The following COL24A1 variants were observed in gnomAD, a reference collection of about 807,000 sequenced individuals.
COL24A1 encodes the protein collagen type XXIV alpha 1 chain, also known as collagen alpha-1(XXIV) chain.
Under a neutral mutation model 253.9 loss-of-function variants are expected in COL24A1, and 224 were observed. The observed-to-expected ratio is 0.88, with a 90% CI of 0.79 to 0.99. COL24A1 has a LOEUF of 0.99. Ranked by LOEUF, COL24A1 falls within the 50% of genes least tolerant of loss-of-function variation. The probability of loss-of-function intolerance (pLI) is 0.00; values close to 1 mark genes in which losing one functional copy is unlikely to be tolerated. For synonymous variants in COL24A1, 685 were observed against 673.7 expected (o/e 1.02, Z -0.26); for missense variants, 2,131 against 2,068.5 (o/e 1.03, Z -0.59).
chr1:85,734,763 AAAGCACTTTAGGTTC>A lies in COL24A1; in HGVS notation c.4969_4983del (p.Glu1657_Leu1661del), dbSNP rs1184884162. 6.2e-7 allele frequency: 1 copy of A among 1,614,126 alleles called. No homozygotes were observed. The highest frequency in any genetic ancestry group is 1.1e-5 in the South Asian group (1 of 91,084). On this transcript the variant is annotated inframe_deletion, in exon 59 of 60. Coordinates refer to ENST00000370571, the MANE Select transcript of COL24A1 (RefSeq NM_152890.7). ...CATTTCCTTACCTTGCAGTCATCTG[AAAGCACTTTAGGTTC>A]AAGTAGAGTGTTTACTTTAAAAATC...
At chr1:85,940,239 C>T in intron 24 of COL24A1, among the ~76,000 whole-genome samples, 1 of 63,384 alleles carries the variant, frequency 1.6e-5, no homozygotes, top group Non-Finnish European at 3.4e-5. Context: ...CCCGTCTCTA[C>T]TAAAAATACA....
rs548370249 is a variant in COL24A1 at position 86,148,731 on chromosome 1, T to G, written c.57-2548A>C. 2.6e-5 allele frequency among the ~76,000 whole-genome samples: 4 copies of G among 152,330 alleles called. No individual in the cohort carries two copies. The South Asian group carries it at 6.2e-4, about 24-fold the overall frequency. ...TCCATGGTGTATATGTGCCACATTT[T>G]CTTAATCCAGTCTATCATTGTTGGA... is the stretch of plus-strand genomic sequence containing the variant. On this transcript the variant is annotated intron_variant, in intron 1 of 59. Transcript: ENST00000370571.
At chr1:85,885,008 ACT>A (rs1682308575) in intron 32 of COL24A1, among the ~76,000 whole-genome samples, 1 of 151,736 alleles carries the variant, frequency 6.6e-6, no homozygotes, top group South Asian at 2.1e-4. Flanking sequence ...AAGTGTCCCT[ACT>A]GTCCCGGTGT....
At chr1:86,102,721 T>A (rs1704576484) in intron 5 of COL24A1, among the ~76,000 whole-genome samples, 1 of 152,218 alleles carries the variant, frequency 6.6e-6, no homozygotes, top group African/African-American at 2.4e-5. Context: ...ATTTCTAATT[T>A]TACTTTGCTG....
At chr1:85,956,077 G>A (rs532952613) in intron 24 of COL24A1, among the ~76,000 whole-genome samples, 29 of 152,184 alleles carry the variant, frequency 1.9e-4, no homozygotes, top group African/African-American at 6.5e-4. Context: ...GACTTGGAAC[G>A]GAAGATAAAA....
At chr1:86,127,277 T>C (rs1388221620) in intron 2 of COL24A1, among the ~76,000 whole-genome samples, 1 of 152,138 alleles carries the variant, frequency 6.6e-6, no homozygotes, top group Non-Finnish European at 1.5e-5. Context: ...TTTTATATAA[T>C]ATGGATTTGA....
At chr1:86,058,175 AC>A (rs1700795673) in intron 9 of COL24A1, among the ~76,000 whole-genome samples, 200 bp from the exon 10 acceptor site, 1 of 152,096 alleles carries the variant, frequency 6.6e-6, no homozygotes, top group Non-Finnish European at 1.5e-5. Flanking sequence ...TAATCTATAC[AC>A]AATATATTTT....
chr1:85,784,694 G>A (rs1450833485), intron 48 of COL24A1, among the ~76,000 whole-genome samples: 1 of 151,816 alleles, frequency 6.6e-6, no homozygotes, highest in Non-Finnish European at 1.5e-5. Context: ...GTGTGGGTGT[G>A]TTTATATGTG....
chr1:85,774,680 T>C (rs1458263582), intron 53 of COL24A1, among the ~76,000 whole-genome samples: 1 of 152,226 alleles, frequency 6.6e-6, no homozygotes, highest in African/African-American at 2.4e-5. Flanking sequence ...TAGTATTCTC[T>C]GTTAGTGGTT....
At chr1:86,023,319 C>T (rs1315737770) in intron 14 of COL24A1, among the ~76,000 whole-genome samples, 1 of 152,070 alleles carries the variant, frequency 6.6e-6, no homozygotes, top group Admixed American at 6.6e-5. Flanking sequence ...TAGATGAGAC[C>T]TTTAAAAAAT....
Position 85,745,603 on chromosome 1 carries a change from T to G in COL24A1, c.4438-97A>C, listed in dbSNP as rs190294223. On this transcript the variant is annotated intron_variant, in intron 55 of 59. Coordinates refer to ENST00000370571, the MANE Select transcript of COL24A1 (RefSeq NM_152890.7). ...TTCTGAAAGCACTGCTGTTAAAGTA[T>G]ACCAGACTTATTATCTGAAGGGGTT... 1.5e-5 allele frequency: 12 copies of G among 808,066 alleles called. No individual in the cohort carries two copies. In the African/African-American group the frequency reaches 1.6e-4, roughly 11 times the overall value. 50.1% of individuals were successfully genotyped at this position (808,066 alleles called of 1,614,324 possible). A position where few individuals can be genotyped will look rare whatever the true frequency, so the allele number is the denominator to read the frequency against.
At chr1:86,061,593 T>C (rs78319869) in intron 8 of COL24A1, among the ~76,000 whole-genome samples, 2,709 of 152,108 alleles carry the variant, frequency 0.018, 39 homozygotes, top group South Asian at 0.044. Flanking sequence ...AGAATTCCAC[T>C]CAATGTCTAA....
chr1:85,968,691 G>A (rs1303854314), intron 22 of COL24A1, among the ~76,000 whole-genome samples: 2 of 146,302 alleles, frequency 1.4e-5, no homozygotes, highest in Non-Finnish European at 3.0e-5. Flanking sequence ...GTTGGTAAGA[G>A]CCTTAATGAG....
At chr1:85,925,140 G>C (rs1169838437) in intron 24 of COL24A1, among the ~76,000 whole-genome samples, 1 of 152,136 alleles carries the variant, frequency 6.6e-6, no homozygotes, top group Non-Finnish European at 1.5e-5. Flanking sequence ...TCTTCAAGGA[G>C]AACTACAAAC....
At chr1:85,879,117 G>T (rs1681529331) in intron 32 of COL24A1, among the ~76,000 whole-genome samples, 1 of 151,866 alleles carries the variant, frequency 6.6e-6, no homozygotes, top group Non-Finnish European at 1.5e-5. Flanking sequence ...TTCTTTCATG[G>T]GTTGTGCTTT....
chr1:85,772,543 C>A (rs1171268068), intron 53 of COL24A1, among the ~76,000 whole-genome samples: 3 of 143,592 alleles, frequency 2.1e-5, no homozygotes, highest in African/African-American at 9.0e-5. Flanking sequence ...AATAGCCTGA[C>A]TTTTTAATGA....
intron 5 of COL24A1, among the ~76,000 whole-genome samples, chr1:86,094,007 G>A (rs1703704369): frequency 6.6e-6 from 1 of 152,118 alleles, no homozygotes; most frequent in Non-Finnish European, 1.5e-5. Flanking sequence ...TGGTGACGTT[G>A]CGGAGAAAAA....
At chr1:86,074,690 T>C (rs1344611843) in intron 7 of COL24A1, among the ~76,000 whole-genome samples, 1 of 152,172 alleles carries the variant, frequency 6.6e-6, no homozygotes, top group East Asian at 1.9e-4. Flanking sequence ...GTTCTAAAAT[T>C]GACCACATAA....
chr1:85,805,200 GA>G (rs1252494723), intron 47 of COL24A1, among the ~76,000 whole-genome samples: 2 of 152,144 alleles, frequency 1.3e-5, no homozygotes, highest in African/African-American at 4.8e-5. Flanking sequence ...TGGAGCAGTA[GA>G]AGAATTTCTA....
Sources: gnomAD v4.1 joint callset for allele counts (sites outside exome capture counted in the v4.1 genomes callset) on GRCh38, gnomAD v4.1.1 for gene constraint, MANE v1.5 for transcripts, NCBI Gene and HGNC (gene_info 2026-07-23, HGNC 2026-07-21) for gene names.